BORCS5: variants seen among roughly 807,000 people sequenced by gnomAD.
BORCS5 encodes BLOC-1-related complex subunit 5.
A neutral mutation model predicts 22.1 loss-of-function variants in BORCS5; 17 were observed. The ratio of observed to expected loss-of-function variants is 0.77; its 90% CI spans 0.53 to 1.15. BORCS5 has a LOEUF of 1.15. Ranked by LOEUF, BORCS5 falls within the 50% of genes most tolerant of loss-of-function variation. The probability of loss-of-function intolerance (pLI) is 0.00; values close to 1 mark genes in which losing one functional copy is unlikely to be tolerated. For synonymous variants in BORCS5, 117 were observed against 99.8 expected (o/e 1.17, Z -1.03); for missense variants, 247 against 253.2 (o/e 0.98, Z 0.17).
chr12:12,363,649 A>G (rs929868101), intron 2 of BORCS5, among the ~76,000 whole-genome samples: 1 of 152,008 alleles, frequency 6.6e-6, no homozygotes. Context: ...AGGTAGGAGA[A>G]TGGCATGAAC....
At chr12:12,361,533 G>GT (rs1475410698) in intron 2 of BORCS5, among the ~76,000 whole-genome samples, 184 bp downstream of exon 2, 1 of 152,036 alleles carries the variant, frequency 6.6e-6, no homozygotes, top group East Asian at 1.9e-4. Context: ...TTGCCTACCT[G>GT]TTTTTCTCTA....
chr12:12,361,110 A>G (rs1462786345), intron 1 of BORCS5, 96 bp from the exon 2 acceptor site: 6 of 1,244,014 alleles, frequency 4.8e-6, no homozygotes, highest in African/African-American at 3.0e-5. Context: ...GCTACATTTT[A>G]TAAAATTATT....
chr12:12,414,726 G>A (rs1305123143), intron 2 of BORCS5, among the ~76,000 whole-genome samples: 192 of 128,440 alleles, frequency 1.5e-3, no homozygotes, highest in African/African-American at 6.0e-3. Flanking sequence ...GGTGGCTGCC[G>A]GGCGGAGACG....
At chr12:12,423,317 A>G (rs1942189145) in intron 2 of BORCS5, among the ~76,000 whole-genome samples, 1 of 151,132 alleles carries the variant, frequency 6.6e-6, no homozygotes, top group Non-Finnish European at 1.5e-5. Context: ...TTTGCCATAT[A>G]TTTACCTTTA....
intron 2 of BORCS5, among the ~76,000 whole-genome samples, chr12:12,421,104 G>GA (rs1942110430): frequency 6.6e-6 from 1 of 152,172 alleles, no homozygotes; most frequent in African/African-American, 2.4e-5. Context: ...GGAGTGGTGA[G>GA]AGGGAGCATT....
intron 1 of BORCS5, among the ~76,000 whole-genome samples, chr12:12,360,047 A>G (rs942122860): frequency 1.3e-5 from 2 of 152,142 alleles, no homozygotes; most frequent in African/African-American, 2.4e-5. Flanking sequence ...TTTAGTTATG[A>G]AAGAAGTTCA....
At chr12:12,459,525 G>A (rs573101868) in intron 3 of BORCS5, among the ~76,000 whole-genome samples, 8 of 152,216 alleles carry the variant, frequency 5.3e-5, no homozygotes, top group African/African-American at 1.4e-4. Flanking sequence ...GGTCAGGCTC[G>A]TCTCGAACTG....
chr12:12,459,798 C>T (rs1337282245), intron 3 of BORCS5, among the ~76,000 whole-genome samples: 1 of 152,028 alleles, frequency 6.6e-6, no homozygotes, highest in East Asian at 1.9e-4. Context: ...AAACTTTTTT[C>T]CCCCATTAAA....
chr12:12,401,907 T>C (rs866911543), intron 2 of BORCS5, among the ~76,000 whole-genome samples: 4 of 149,096 alleles, frequency 2.7e-5, no homozygotes, highest in Middle Eastern at 3.4e-3. Flanking sequence ...AAAAAAAAAA[T>C]ACAAAAAAAT....
At chr12:12,394,097 G>A (rs1282157930) in intron 2 of BORCS5, among the ~76,000 whole-genome samples, 1 of 151,926 alleles carries the variant, frequency 6.6e-6, no homozygotes, top group Non-Finnish European at 1.5e-5. Flanking sequence ...AGGCTGAGGT[G>A]GGTGGATCAC....
At chr12:12,366,376 A>G (rs1044214099) in intron 2 of BORCS5, among the ~76,000 whole-genome samples, 1 of 152,188 alleles carries the variant, frequency 6.6e-6, no homozygotes, top group Non-Finnish European at 1.5e-5. Context: ...TTGCATTTTT[A>G]ATAAGCAAGC....
In BORCS5 at chr12:12,357,109, G is replaced by T. The variant is rs1244956370; in HGVS notation, c.-343G>T. ...GTCCCGGAAGGAGCGAGCTTGCGGA[G>T]CGTGAACCAGTGAGTGAAAGCGGCG... is the stretch of plus-strand genomic sequence containing the variant. On this transcript the variant is annotated 5_prime_UTR_variant, in exon 1 of 4. Coordinates refer to ENST00000314565, the MANE Select transcript of BORCS5 (RefSeq NM_058169.6). The T allele has an allele frequency of 2.0e-6, 3 of 1,534,544 alleles. No homozygotes were observed. Among genetic ancestry groups the T allele is most frequent in the African/African-American group, 2.7e-5 (2 of 73,026 alleles).
chr12:12,422,791 A>G (rs1304583097), intron 2 of BORCS5, among the ~76,000 whole-genome samples: 1 of 152,112 alleles, frequency 6.6e-6, no homozygotes, highest in African/African-American at 2.4e-5. Context: ...TTTTTAATGC[A>G]GTAATCTCTC....
chr12:12,364,900 G>A (rs968019920), intron 2 of BORCS5, among the ~76,000 whole-genome samples: 2 of 152,224 alleles, frequency 1.3e-5, no homozygotes, highest in East Asian at 3.9e-4. Flanking sequence ...CCTAGAGGTG[G>A]AGGTTGCAGT....
intron 3 of BORCS5, chr12:12,452,072 G>A (rs1268678343): frequency 1.8e-5 from 8 of 446,608 alleles, no homozygotes; most frequent in African/African-American, 4.1e-5. Flanking sequence ...TTCCCCCCTG[G>A]ATTTTACCTG....
At chr12:12,382,557 CAA>C (rs1231637466) in intron 2 of BORCS5, among the ~76,000 whole-genome samples, 3 of 135,536 alleles carry the variant, frequency 2.2e-5, no homozygotes, top group Non-Finnish European at 4.7e-5. Flanking sequence ...TTTTTTGAGA[CAA>C]AGTCTTGCTC....
At chr12:12,392,234 T>C (rs1339680078) in intron 2 of BORCS5, among the ~76,000 whole-genome samples, 2 of 151,852 alleles carry the variant, frequency 1.3e-5, no homozygotes, top group African/African-American at 4.9e-5. Context: ...GAGGTATTAG[T>C]GTCCCTTTTA....
chr12:12,394,295 C>A (rs1278947775), intron 2 of BORCS5, among the ~76,000 whole-genome samples: 3 of 151,776 alleles, frequency 2.0e-5, no homozygotes, highest in Non-Finnish European at 4.4e-5. Flanking sequence ...CACTGCACCC[C>A]AGCTTGGGTG....
chr12:12,387,586 T>C (rs978862883), intron 2 of BORCS5, among the ~76,000 whole-genome samples: 4 of 151,526 alleles, frequency 2.6e-5, no homozygotes, highest in Admixed American at 6.6e-5. Flanking sequence ...ACCCCCAGAA[T>C]TGGCATAGTG....
Sources: allele counts gnomAD v4.1 joint callset (sites outside exome capture counted in the v4.1 genomes callset), GRCh38; gene constraint gnomAD v4.1.1; transcripts MANE v1.5; gene names NCBI Gene and HGNC (gene_info 2026-07-23, HGNC 2026-07-21).